Variants in MSH3 observed in about 807,000 individuals in gnomAD.
MSH3 encodes the protein DNA mismatch repair protein Msh3.
A neutral mutation model predicts 123.3 loss-of-function variants in MSH3; 106 were observed. The ratio of observed to expected loss-of-function variants is 0.86; its 90% CI spans 0.73 to 1.01. The LOEUF (loss-of-function observed/expected upper bound fraction) is 1.01. Ranked by LOEUF, MSH3 falls within the 50% of genes least tolerant of loss-of-function variation. The pLI, the probability that MSH3 is intolerant of heterozygous loss-of-function variation, is 0.00. For synonymous variants in MSH3, 515 were observed against 481.4 expected (o/e 1.07, Z -0.91); for missense variants, 1,459 against 1,347.6 (o/e 1.08, Z -1.29).
intron 19 of MSH3, among the ~76,000 whole-genome samples, chr5:80,794,180 T>C (rs1411003285): frequency 6.6e-6 from 1 of 152,206 alleles, no homozygotes; most frequent in Non-Finnish European, 1.5e-5. Context: ...GTATTTATAA[T>C]TGCAAGCTTT....
chr5:80,863,279 C>T (rs2112116557), intron 21 of MSH3, among the ~76,000 whole-genome samples: 1 of 152,276 alleles, frequency 6.6e-6, no homozygotes, highest in Non-Finnish European at 1.5e-5. Context: ...ACACAGCCCT[C>T]AGGAGGTCCT....
chr5:80,787,475 T>G (rs1744528808), intron 17 of MSH3, 90 bp from the exon 18 acceptor site: 2 of 836,922 alleles, frequency 2.4e-6, no homozygotes. Flanking sequence ...ATGCTTACAC[T>G]AGCTGATAAA....
chr5:80,799,967 T>A (rs1418881888), intron 19 of MSH3, among the ~76,000 whole-genome samples: 1 of 152,234 alleles, frequency 6.6e-6, no homozygotes, highest in East Asian at 1.9e-4. Context: ...TCTTGAAGTT[T>A]GTCTTTTATT....
At position 80,746,813 on chromosome 5, in the gene MSH3, C is replaced by T. The variant is rs753927766; in HGVS notation, c.1763+2198C>T. 7.9e-5 allele frequency: 27 copies of T among 340,280 alleles called. No homozygotes were observed. In the East Asian group the frequency reaches 1.0e-3, roughly 13 times the overall value. 21.1% of individuals were successfully genotyped at this position (340,280 alleles called of 1,614,324 possible). On this transcript the variant is annotated intron_variant, in intron 12 of 23. Transcript: ENST00000265081. The stretch of plus-strand genomic sequence containing the variant: ...CATCAAAACTCAGCATCTTAATTGA[C>T]GGCATGGTGTTTGAGCTTAAGGAGA...
At chr5:80,670,820 T>C (rs1395428480) in intron 4 of MSH3, among the ~76,000 whole-genome samples, 1 of 152,146 alleles carries the variant, frequency 6.6e-6, no homozygotes, top group Non-Finnish European at 1.5e-5. Context: ...CTTGGTGTCT[T>C]AGTCTAAATT....
chr5:80,858,992 T>A (rs1474343575), intron 21 of MSH3, among the ~76,000 whole-genome samples: 1 of 152,154 alleles, frequency 6.6e-6, no homozygotes, highest in Non-Finnish European at 1.5e-5. Flanking sequence ...ATATCCTTCT[T>A]TATCCCTGAC....
chr5:80,713,611 G>T (rs1750899857), intron 8 of MSH3, among the ~76,000 whole-genome samples: 1 of 152,194 alleles, frequency 6.6e-6, no homozygotes, highest in African/African-American at 2.4e-5. Flanking sequence ...TAATTTTTTA[G>T]ATCTGGGTCA....
chr5:80,659,347 A>G (rs1214448496), intron 2 of MSH3, among the ~76,000 whole-genome samples: 1 of 152,204 alleles, frequency 6.6e-6, no homozygotes, highest in Non-Finnish European at 1.5e-5. Context: ...AGTCAATTTT[A>G]GAACATTTTC....
At chr5:80,848,241 A>G (rs1745760122) in intron 20 of MSH3, among the ~76,000 whole-genome samples, 1 of 152,192 alleles carries the variant, frequency 6.6e-6, no homozygotes, top group Non-Finnish European at 1.5e-5. Flanking sequence ...AATAAACAAT[A>G]ATAAAATAAA....
In MSH3 at chr5:80,768,061, T is replaced by C. The variant is rs1744153796; in HGVS notation, c.2025T>C (p.Ile675=). 6.2e-7 allele frequency: 1 copy of C among 1,613,808 alleles called. No individual in the cohort carries two copies. The highest frequency in any genetic ancestry group is 8.5e-7 in the Non-Finnish European group (1 of 1,179,772). The change falls in exon 14 of 24, where the codon ATT becomes ATC. Residue 675 remains isoleucine, a synonymous_variant. Transcript: ENST00000265081. The stretch of plus-strand genomic sequence containing the variant: ...TGCTCCGGACCGTTATTTTAGAAAT[T>C]CCTGAACTCCTCAGTCCAGTGGAGC... ...SDLLRTVILE[I]PELLSPVEHY... is the part of the protein sequence containing the mutation.
At chr5:80,667,743 G>A (rs1269140008) in intron 3 of MSH3, among the ~76,000 whole-genome samples, 1 of 152,200 alleles carries the variant, frequency 6.6e-6, no homozygotes, top group Admixed American at 6.5e-5. Context: ...ACACAGTGGC[G>A]CCCAGAAGCT....
chr5:80,737,234 T>A (rs1259837446), intron 10 of MSH3, among the ~76,000 whole-genome samples: 1 of 152,236 alleles, frequency 6.6e-6, no homozygotes, highest in Non-Finnish European at 1.5e-5. Context: ...AGAAATGTTT[T>A]CAGCAATAGA....
chr5:80,702,458 C>G (rs925484113), intron 8 of MSH3, among the ~76,000 whole-genome samples: 5 of 152,114 alleles, frequency 3.3e-5, no homozygotes, highest in African/African-American at 9.7e-5. Flanking sequence ...CTGGTGGGAG[C>G]CACTGGGAGC....
chr5:80,681,650 CTTAGTATATATTTTATTAAT>C (rs2112821175), intron 8 of MSH3, among the ~76,000 whole-genome samples: 1 of 150,352 alleles, frequency 6.7e-6, no homozygotes, highest in South Asian at 2.1e-4. Flanking sequence ...ATTTTATTAA[CTTAGTATATATTTTATTAAT>C]TTAGATTGAG....
chr5:80,782,811 A>G (rs1328317533), intron 17 of MSH3, among the ~76,000 whole-genome samples: 1 of 152,188 alleles, frequency 6.6e-6, no homozygotes, highest in Non-Finnish European at 1.5e-5. Flanking sequence ...ATTAACCTCA[A>G]TGAACCTGAC....
intron 8 of MSH3, among the ~76,000 whole-genome samples, chr5:80,690,237 T>A (rs1220614679): frequency 6.6e-6 from 1 of 152,146 alleles, no homozygotes; most frequent in Non-Finnish European, 1.5e-5. Flanking sequence ...TCTTTTTCTT[T>A]CTTCAAACCA....
At chr5:80,836,700 A>G (rs949086473) in intron 20 of MSH3, among the ~76,000 whole-genome samples, 47 of 152,002 alleles carry the variant, frequency 3.1e-4, no homozygotes, top group African/African-American at 9.4e-4. Context: ...CCTCCTCGAT[A>G]CTTTAAATCA....
At chr5:80,777,224 C>T (rs1424569374) in intron 16 of MSH3, among the ~76,000 whole-genome samples, 3 of 152,046 alleles carry the variant, frequency 2.0e-5, no homozygotes, top group Non-Finnish European at 2.9e-5. Flanking sequence ...GTTTATTATC[C>T]ATTGCCACAT....
rs1745047300 is a variant in MSH3 at position 80,813,633 on chromosome 5, A to G, written c.2705A>G (p.Lys902Arg). 6.2e-7 allele frequency: 1 copy of G among 1,614,050 alleles called. No homozygotes were observed. Among genetic ancestry groups the G allele is most frequent in the African/African-American group, 1.3e-5 (1 of 74,938 alleles). ...MIITGPNMGGKSSYIKQVALI... is the reference protein window; with the variant it reads ...MIITGPNMGGRSSYIKQVALI... Reference sequence around the variant, plus strand: ...ATTACCGGACCAAACATGGGTGGAAAGAGCTCCTACATAAAACAAGTTGCA... The same window carrying G: ...ATTACCGGACCAAACATGGGTGGAAGGAGCTCCTACATAAAACAAGTTGCA... Residue 902 changes from lysine (K) to arginine (R), a missense_variant, in exon 20 of 24, where the codon AAG becomes AGG. Transcript: ENST00000265081.
Sources: gnomAD v4.1 joint callset for allele counts (sites outside exome capture counted in the v4.1 genomes callset) on GRCh38, gnomAD v4.1.1 for gene constraint, MANE v1.5 for transcripts, NCBI Gene and HGNC (gene_info 2026-07-23, HGNC 2026-07-21) for gene names.